The following DPYSL5 variants were observed in gnomAD, a reference collection of about 807,000 sequenced individuals.
The protein encoded by DPYSL5 is dihydropyrimidinase like 5.
DPYSL5 carries 9 observed loss-of-function variants against 58.4 expected under a neutral mutation model. The ratio of observed to expected loss-of-function variants is 0.15; its 90% CI spans 0.09 to 0.27. The LOEUF (loss-of-function observed/expected upper bound fraction) is 0.27. Among genes scored for constraint, DPYSL5 ranks in the 10% least tolerant of loss-of-function variants. DPYSL5 has a pLI of 1.00. For missense variants in DPYSL5, 499 were observed against 770.6 expected, an observed-to-expected ratio of 0.65 and a Z score of 4.17; for synonymous variants, 293 against 301.9, an observed-to-expected ratio of 0.97 and a Z score of 0.31.
intron 1 of DPYSL5, among the ~76,000 whole-genome samples, chr2:26,866,411 C>T (rs1666141038): frequency 6.6e-6 from 1 of 151,962 alleles, no homozygotes; most frequent in South Asian, 2.1e-4. Context: ...AATCCCACAA[C>T]CCTAAAATAG....
At chr2:26,855,045 T>C (rs1424259468) in intron 1 of DPYSL5, among the ~76,000 whole-genome samples, 1 of 151,562 alleles carries the variant, frequency 6.6e-6, no homozygotes, top group African/African-American at 2.4e-5. Context: ...CTGGAACTCT[T>C]GGCCTCAGGT....
rs960952669 is a variant in DPYSL5, at chr2:26,905,533, C to T, written c.261+6773C>T. The stretch of plus-strand genomic sequence containing the variant: ...ACCCTGGCAGGCCTTCTCTGGGAAT[C>T]GGCCCTCACCTCCCAGCTCGTTTTC... On this transcript the variant is annotated intron_variant, in intron 2 of 12. Coordinates refer to ENST00000288699, the MANE Select transcript of DPYSL5 (RefSeq NM_020134.4). The surrounding 1 kb of genome is among the most constrained non-coding windows in gnomAD (Gnocchi z 4.0). 4.6e-5 allele frequency among the ~76,000 whole-genome samples: 7 copies of T among 152,314 alleles called. No homozygotes were observed. The highest frequency in any genetic ancestry group is 1.7e-4 in the African/African-American group (7 of 41,576).
At chr2:26,886,872 C>G (rs1040973076) in intron 1 of DPYSL5, among the ~76,000 whole-genome samples, 5 of 152,186 alleles carry the variant, frequency 3.3e-5, no homozygotes, top group Admixed American at 2.0e-4. Context: ...TACTCTTTCT[C>G]TCTCCTTTGT....
chr2:26,911,178 C>T (rs1207225039), intron 2 of DPYSL5, among the ~76,000 whole-genome samples: 1 of 148,452 alleles, frequency 6.7e-6, no homozygotes, highest in Non-Finnish European at 1.5e-5. Flanking sequence ...CATACATGTG[C>T]CAGCCTATTT....
Position 26,933,404 on chromosome 2 carries a change from C to A in DPYSL5, c.790+71C>A. 6.9e-7 allele frequency: 1 copy of A among 1,440,238 alleles called. No homozygotes were observed. The highest frequency in any genetic ancestry group is 1.1e-5 in the South Asian group (1 of 87,034). The allele number at this position is 1,440,238 out of a possible 1,614,324, so 89.2% of individuals were successfully genotyped here. Reference sequence around the variant, plus strand: ...CTGGAGATGGATGGGGCCCATTAGCCGTGCTCACTCCTGGCCCCGGCTCCT... The same window carrying A: ...CTGGAGATGGATGGGGCCCATTAGCAGTGCTCACTCCTGGCCCCGGCTCCT... On this transcript the variant is annotated intron_variant, in intron 7 of 12. Coordinates refer to ENST00000288699, the MANE Select transcript of DPYSL5 (RefSeq NM_020134.4). This position sits in a 1 kb window ranked among gnomAD's most constrained non-coding sequence, Gnocchi z 4.2.
At position 26,882,174 on chromosome 2, in the gene DPYSL5, G is replaced by A. The variant is rs192637037; in HGVS notation, c.-4-16322G>A. On this transcript the variant is annotated intron_variant, in intron 1 of 12. Transcript: ENST00000288699. ...GGACTTCCTGAAAATAAGAGGGAAA[G>A]TTTTCCACCTTATTTCAATTTTTTT... is the stretch of plus-strand genomic sequence containing the variant. Among the ~76,000 whole-genome samples, 153 of 150,878 alleles carry A rather than the reference G, an allele frequency of 1.0e-3. 1 individual carries two copies. Among genetic ancestry groups the A allele is most frequent in the Non-Finnish European group, 2.7e-4 (18 of 67,820 alleles).
intron 1 of DPYSL5, among the ~76,000 whole-genome samples, chr2:26,889,415 G>A (rs539355448): frequency 1.1e-4 from 16 of 152,090 alleles, no homozygotes; most frequent in South Asian, 4.2e-4. Flanking sequence ...GACTACAGGC[G>A]CCAGCCACCA....
Position 26,942,468 on chromosome 2 carries a change from C to A in DPYSL5, c.1233-75C>A. The A allele has an allele frequency of 6.7e-7, 1 of 1,490,226 alleles. No individual in the cohort carries two copies. Among genetic ancestry groups the A allele is most frequent in the Non-Finnish European group, 9.1e-7 (1 of 1,094,082 alleles). The allele number at this position is 1,490,226 out of a possible 1,614,324, so 92.3% of individuals were successfully genotyped here. On this transcript the variant is annotated intron_variant, in intron 10 of 12. Coordinates refer to ENST00000288699, the MANE Select transcript of DPYSL5 (RefSeq NM_020134.4). This position sits in a 1 kb window ranked among gnomAD's most constrained non-coding sequence, Gnocchi z 5.9. ...AACCCATAACAACCAGCCTTTGGGG[C>A]TCACCCCTCCCATGGAGCTGTGACA...
intron 1 of DPYSL5, among the ~76,000 whole-genome samples, chr2:26,872,828 A>G (rs1262019382): frequency 6.6e-6 from 1 of 151,974 alleles, no homozygotes; most frequent in African/African-American, 2.4e-5. Context: ...AAAACAAAAA[A>G]CGGCCGTTGG....
At chr2:26,899,648 G>T (rs1238760722) in intron 2 of DPYSL5, among the ~76,000 whole-genome samples, 3 of 152,154 alleles carry the variant, frequency 2.0e-5, no homozygotes, top group Non-Finnish European at 2.9e-5. Context: ...CCCACCTCAA[G>T]CAGATGGCCC....
chr2:26,868,926 A>G (rs868640550), intron 1 of DPYSL5, among the ~76,000 whole-genome samples: 10 of 151,902 alleles, frequency 6.6e-5, no homozygotes, highest in Admixed American at 3.3e-4. Flanking sequence ...CTTGGATCCT[A>G]TTTTTTATAC....
chr2:26,870,612 G>A (rs1029948193), intron 1 of DPYSL5, among the ~76,000 whole-genome samples: 4 of 151,474 alleles, frequency 2.6e-5, no homozygotes, highest in Non-Finnish European at 5.9e-5. Flanking sequence ...TTGGGAGGCT[G>A]AAGGATTGCT....
intron 8 of DPYSL5, chr2:26,938,661 G>A (rs1665241936): frequency 6.6e-6 from 1 of 152,262 alleles, no homozygotes; most frequent in Non-Finnish European, 1.5e-5. Flanking sequence ...TCATCTGAGA[G>A]CCTTAAGAAT....
chr2:26,943,676 T>C (rs34064589), intron 11 of DPYSL5, among the ~76,000 whole-genome samples: 1 of 152,234 alleles, frequency 6.6e-6, no homozygotes, highest in South Asian at 2.1e-4. Flanking sequence ...TTTACACATA[T>C]TAATTCGTCT....
chr2:26,945,486 C>T (rs1448279837), intron 12 of DPYSL5, among the ~76,000 whole-genome samples: 5 of 152,030 alleles, frequency 3.3e-5, no homozygotes, highest in African/African-American at 9.7e-5. Flanking sequence ...CTTAAAGCCA[C>T]GATCTGCAGT....
rs751582763 is a variant in DPYSL5, at chr2:26,927,426, G to A, written c.594G>A (p.Val198=). Residue 198 remains valine, a synonymous_variant, in exon 4 of 13, where the codon GTG becomes GTA. Transcript: ENST00000288699. This position sits in a 1 kb window ranked among gnomAD's most constrained non-coding sequence, Gnocchi z 4.3. Reference sequence around the variant, plus strand: ...TCCATGCTGAAAATGGGGAGCTTGTGGCCGAGGCAAGTCTGCAGCCAAGAA... The same window carrying A: ...TCCATGCTGAAAATGGGGAGCTTGTAGCCGAGGCAAGTCTGCAGCCAAGAA... The part of the protein sequence containing the change: ...ARVHAENGEL[V]AEGAKEALDL... 1 of 1,613,812 alleles carries A rather than the reference G, an allele frequency of 6.2e-7. No individual in the cohort carries two copies. Among genetic ancestry groups the A allele is most frequent in the Admixed American group, 1.7e-5 (1 of 60,016 alleles).
At chr2:26,932,211 A>AAAGAAAGAAAG (rs1558351728) in intron 6 of DPYSL5, among the ~76,000 whole-genome samples, 2 of 35,624 alleles carry the variant, frequency 5.6e-5, no homozygotes, top group African/African-American at 1.8e-4. Flanking sequence ...AAGAAAGAAA[A>AAAGAAAGAAAG]GAAAGAAAGA....
chr2:26,897,291 A>G (rs1026138645), intron 1 of DPYSL5, among the ~76,000 whole-genome samples: 1 of 152,138 alleles, frequency 6.6e-6, no homozygotes, highest in African/African-American at 2.4e-5. Context: ...TGTTAGCTGT[A>G]GGTTTTTTTG....
intron 2 of DPYSL5, among the ~76,000 whole-genome samples, chr2:26,917,503 AGAAGTATTT>A (rs1373811091): frequency 1.8e-4 from 27 of 150,960 alleles, no homozygotes; most frequent in Non-Finnish European, 2.8e-4. Flanking sequence ...TGTTTTCTTA[AGAAGTATTT>A]GACAGAAGGT....
Sources: gnomAD v4.1 joint callset for allele counts (sites outside exome capture counted in the v4.1 genomes callset) on GRCh38, gnomAD v4.1.1 for gene constraint, Gnocchi (gnomAD v3.1) non-coding constraint, MANE v1.5 for transcripts, NCBI Gene and HGNC (gene_info 2026-07-23, HGNC 2026-07-21) for gene names.